Variants in TMX4 observed in about 807,000 individuals in gnomAD.
TMX4 encodes thioredoxin related transmembrane protein 4.
In TMX4, 23 loss-of-function variants were observed where a neutral mutation model predicts 33.3. The observed-to-expected ratio is 0.69, with a 90% CI of 0.50 to 0.98. TMX4 has a LOEUF of 0.98. Ranked by LOEUF, TMX4 falls within the 50% of genes least tolerant of loss-of-function variation. TMX4 has a pLI of 0.00. For missense variants in TMX4, 399 were observed against 448.9 expected, an observed-to-expected ratio of 0.89 and a Z score of 1.01; for synonymous variants, 164 against 161.5, an observed-to-expected ratio of 1.02 and a Z score of -0.12.
At chr20:8,016,194 T>C (rs1479490302) in intron 1 of TMX4, among the ~76,000 whole-genome samples, 1 of 152,174 alleles carries the variant, frequency 6.6e-6, no homozygotes, top group Non-Finnish European at 1.5e-5. Flanking sequence ...AGATCATTTT[T>C]CCTAATTCAG....
chr20:7,996,402 A>G (rs574688757), intron 4 of TMX4, among the ~76,000 whole-genome samples: 1 of 152,338 alleles, frequency 6.6e-6, no homozygotes, highest in South Asian at 2.1e-4. Context: ...ACCTAAGTGG[A>G]CACGTAATAC....
At chr20:7,983,404 CAGA>C (rs965962607) in intron 7 of TMX4, among the ~76,000 whole-genome samples, 6 of 152,062 alleles carry the variant, frequency 3.9e-5, no homozygotes, top group African/African-American at 1.4e-4. Flanking sequence ...CACCTGGCCC[CAGA>C]AGAAGTGTGG....
chr20:7,996,811 G>C lies in TMX4; in HGVS notation c.468-740C>G, dbSNP rs950975989. ...TACTCTCTTTTACCCTTTAAAAAGA[G>C]TATCCCTGGACCTCACATGACCCTC... On this transcript the variant is annotated intron_variant, in intron 4 of 7. Coordinates refer to ENST00000246024, the MANE Select transcript of TMX4 (RefSeq NM_021156.4). Among the ~76,000 whole-genome samples, 7 of 152,206 alleles carry C rather than the reference G, an allele frequency of 4.6e-5. No homozygotes were observed. In the East Asian group the frequency reaches 1.4e-3, roughly 29 times the overall value.
chr20:7,983,503 C>T (rs1251101411), intron 7 of TMX4, among the ~76,000 whole-genome samples: 1 of 152,036 alleles, frequency 6.6e-6, no homozygotes, highest in Non-Finnish European at 1.5e-5. Flanking sequence ...ATTGAGTTTC[C>T]CTTCTTCCCT....
At chr20:7,999,689 T>C in intron 4 of TMX4, 43 bp downstream of exon 4, 1 of 1,584,540 alleles carries the variant, frequency 6.3e-7, no homozygotes, top group Non-Finnish European at 8.6e-7. Context: ...ACTTAAAACC[T>C]CCTGTTTTAT....
intron 3 of TMX4, among the ~76,000 whole-genome samples, chr20:8,000,686 A>G (rs1205695298): frequency 2.0e-5 from 3 of 151,918 alleles, no homozygotes; most frequent in Non-Finnish European, 4.4e-5. Flanking sequence ...CCCACCATAC[A>G]TGTTCTCTCT....
rs1447920423 is a variant in TMX4 at position 7,996,566 on chromosome 20, C to G, written c.468-495G>C. On this transcript the variant is annotated intron_variant, in intron 4 of 7. Coordinates refer to ENST00000246024, the MANE Select transcript of TMX4 (RefSeq NM_021156.4). ...GCCACCATGTGCTTTCTCTCATCTT[C>G]CCACTACCAAATCTGAGCCTGGTGT... Among the ~76,000 whole-genome samples the G allele has an allele frequency of 7.9e-5, 12 of 152,152 alleles. No homozygotes were observed. In the East Asian group the frequency reaches 2.3e-3, roughly 29 times the overall value.
intron 1 of TMX4, among the ~76,000 whole-genome samples, chr20:8,018,323 CAGAG>C (rs72313818): frequency 0.11 from 6,072 of 54,666 alleles, 929 homozygotes; most frequent in East Asian, 0.44. Flanking sequence ...GAGAGAGAGA[CAGAG>C]AGAGAGAGAG....
intron 6 of TMX4, among the ~76,000 whole-genome samples, chr20:7,986,627 A>G (rs2050631939): frequency 6.6e-6 from 1 of 152,186 alleles, no homozygotes; most frequent in Non-Finnish European, 1.5e-5. Context: ...AGGTTAAGAG[A>G]AATAAAAAAT....
At chr20:8,015,816 T>C (rs1222755199) in intron 1 of TMX4, among the ~76,000 whole-genome samples, 1 of 152,156 alleles carries the variant, frequency 6.6e-6, no homozygotes, top group Admixed American at 6.5e-5. Context: ...CATCACCAGG[T>C]GTTTAATTTA....
intron 2 of TMX4, among the ~76,000 whole-genome samples, chr20:8,009,923 G>C (rs2050745827): frequency 7.3e-6 from 1 of 137,070 alleles, no homozygotes; most frequent in African/African-American, 2.7e-5. Context: ...ACGTGCTAAA[G>C]AATTGAAGGG....
intron 5 of TMX4, 91 bp downstream of exon 5, chr20:7,995,935 C>T (rs549489900): frequency 4.6e-6 from 5 of 1,075,664 alleles, no homozygotes; most frequent in South Asian, 2.9e-5. Context: ...TATAAATGTA[C>T]TTATAAATGT....
intron 1 of TMX4, among the ~76,000 whole-genome samples, chr20:8,011,914 C>A (rs567790852): frequency 6.6e-6 from 1 of 152,088 alleles, no homozygotes; most frequent in Non-Finnish European, 1.5e-5. Context: ...TTTAAACCTT[C>A]GTGTCTCTGT....
intron 6 of TMX4, among the ~76,000 whole-genome samples, chr20:7,984,396 G>A (rs1367464673): frequency 6.6e-6 from 1 of 152,168 alleles, no homozygotes; most frequent in African/African-American, 2.4e-5. Flanking sequence ...CTTGGATCCA[G>A]AGAAAGCCCT....
chr20:7,984,525 AC>A (rs1312201820), intron 6 of TMX4, among the ~76,000 whole-genome samples: 8 of 152,160 alleles, frequency 5.3e-5, no homozygotes, highest in African/African-American at 1.7e-4. Flanking sequence ...AGAAAAAAAA[AC>A]ATTCCATCTG....
intron 2 of TMX4, among the ~76,000 whole-genome samples, chr20:8,002,411 A>G (rs1248971460): frequency 4.6e-5 from 7 of 152,196 alleles, no homozygotes; most frequent in Admixed American, 4.6e-4. Flanking sequence ...ATTTAAAAAA[A>G]GGGTAGGTAT....
chr20:8,005,735 C>G (rs776276545), intron 2 of TMX4, among the ~76,000 whole-genome samples: 29 of 152,202 alleles, frequency 1.9e-4, no homozygotes, highest in Non-Finnish European at 1.5e-4. Context: ...AGCACACCAG[C>G]AGAAGAACAC....
intron 1 of TMX4, among the ~76,000 whole-genome samples, chr20:8,012,181 A>G (rs2050755658): frequency 6.6e-6 from 1 of 152,150 alleles, no homozygotes; most frequent in African/African-American, 2.4e-5. Context: ...CTGCTATAAC[A>G]ATCAGAAAGA....
chr20:7,978,387 C>T lies in TMX4; in HGVS notation c.*3864G>A, dbSNP rs903459444. ...CAACATACCAGCTCCACTACTGATGCATTTGGTAATAAAAAGTCACATGGT... is the reference window on the plus strand; with the variant it reads ...CAACATACCAGCTCCACTACTGATGTATTTGGTAATAAAAAGTCACATGGT... On this transcript the variant is annotated 3_prime_UTR_variant, in exon 8 of 8. Coordinates refer to ENST00000246024, the MANE Select transcript of TMX4 (RefSeq NM_021156.4). 2.0e-5 allele frequency: 3 copies of T among 152,132 alleles called. No homozygotes were observed. Among genetic ancestry groups the T allele is most frequent in the African/African-American group, 4.8e-5 (2 of 41,422 alleles). The allele number at this position is 152,132 out of a possible 1,614,324, so 9.4% of individuals were successfully genotyped here.
Sources: gnomAD v4.1 joint callset for allele counts (sites outside exome capture counted in the v4.1 genomes callset) on GRCh38, gnomAD v4.1.1 for gene constraint, MANE v1.5 for transcripts, NCBI Gene and HGNC (gene_info 2026-07-23, HGNC 2026-07-21) for gene names.